The following DLGAP2 variants were observed in gnomAD, a reference collection of about 807,000 sequenced individuals.
DLGAP2 encodes disks large-associated protein 2.
DLGAP2 carries 26 observed loss-of-function variants against 100.3 expected under a neutral mutation model. That is an observed-to-expected ratio of 0.26 (90% CI 0.19 to 0.36). DLGAP2 has a LOEUF of 0.36. Ranked by LOEUF, DLGAP2 falls within the 10% of genes least tolerant of loss-of-function variation. DLGAP2 has a pLI of 1.00. For synonymous variants in DLGAP2, 886 were observed against 630.1 expected (o/e 1.41, Z -6.08); for missense variants, 1,858 against 1,453.2 (o/e 1.28, Z -4.53).
At position 1,207,280 on chromosome 8, in the gene DLGAP2, C is replaced by T. The variant is rs117621805; in HGVS notation, c.74-51571C>T. Among the ~76,000 whole-genome samples, 764 of 152,258 alleles carry T rather than the reference C, an allele frequency of 5.0e-3. 5 individuals are homozygous for T. Among genetic ancestry groups the T allele is most frequent in the African/African-American group, 0.017 (723 of 41,556 alleles). On this transcript the variant is annotated intron_variant, in intron 2 of 14. Transcript: ENST00000637795. ...AAAGTCCATTGTGTCATTCTTACGC[C>T]GTTGCATCCACATAGCTTAGCTCCC...
intron 3 of DLGAP2, among the ~76,000 whole-genome samples, chr8:1,431,827 C>T (rs555184979): frequency 6.6e-6 from 1 of 152,362 alleles, no homozygotes; most frequent in East Asian, 1.9e-4. Context: ...TCTGATGCCT[C>T]CGTGTCGATG....
chr8:1,269,586 T>TTGGTACATCTAACAATAATGTTACC (rs1799538422), intron 3 of DLGAP2, among the ~76,000 whole-genome samples: 1 of 152,180 alleles, frequency 6.6e-6, no homozygotes, highest in South Asian at 2.1e-4. Flanking sequence ...TCCTCTCTGA[T>TTGGTACATCTAACAATAATGTTACC]TGGTACATCT....
At chr8:946,376 G>A (rs958162873) in intron 2 of DLGAP2, among the ~76,000 whole-genome samples, 12 of 150,906 alleles carry the variant, frequency 8.0e-5, no homozygotes, top group African/African-American at 2.7e-4. Flanking sequence ...CCATTCTTCT[G>A]CCTCAGACTC....
At chr8:919,609 G>A (rs1002385620) in intron 2 of DLGAP2, among the ~76,000 whole-genome samples, 3 of 152,194 alleles carry the variant, frequency 2.0e-5, no homozygotes, top group Non-Finnish European at 2.9e-5. Context: ...GAGAGGCTGC[G>A]CCAGTACAGG....
chr8:1,367,448 A>G (rs1056260830), intron 3 of DLGAP2, among the ~76,000 whole-genome samples: 6 of 152,248 alleles, frequency 3.9e-5, no homozygotes, highest in African/African-American at 1.4e-4. Flanking sequence ...GTTGTGGCTC[A>G]GAGCCTCATT....
In DLGAP2 at chr8:932,548, G is replaced by A. The variant is rs186839020; in HGVS notation, c.73+24582G>A. 2.3e-4 allele frequency among the ~76,000 whole-genome samples: 35 copies of A among 152,294 alleles called. 1 individual carries two copies. Among genetic ancestry groups the A allele is most frequent in the African/African-American group, 7.9e-4 (33 of 41,558 alleles). ...AATAAGGTTTGTCAGTGAAGTACTA[G>A]TATTTCAAGATTTTGATCATCATAT... On this transcript the variant is annotated intron_variant, in intron 2 of 14. Coordinates refer to ENST00000637795, the MANE Select transcript of DLGAP2 (RefSeq NM_001346810.2).
At chr8:975,616 G>A (rs1800142347) in intron 2 of DLGAP2, among the ~76,000 whole-genome samples, 2 of 152,240 alleles carry the variant, frequency 1.3e-5, no homozygotes, top group African/African-American at 4.8e-5. Flanking sequence ...ATCATTCACA[G>A]GCTAAGGAAG....
chr8:1,318,917 G>A (rs1800831183), intron 3 of DLGAP2, among the ~76,000 whole-genome samples: 2 of 151,912 alleles, frequency 1.3e-5, no homozygotes, highest in Admixed American at 1.3e-4. Context: ...ATAGATTTTA[G>A]GATTAACTCA....
chr8:1,457,286 C>T (rs560856153), intron 3 of DLGAP2, among the ~76,000 whole-genome samples: 8 of 152,252 alleles, frequency 5.3e-5, no homozygotes, highest in South Asian at 2.1e-4. Flanking sequence ...TCGACGTGTT[C>T]GATGGCTGGC....
At chr8:1,676,693 G>A in intron 11 of DLGAP2, 75 bp downstream of exon 11, 4 of 1,430,750 alleles carry the variant, frequency 2.8e-6, no homozygotes, top group Non-Finnish European at 3.9e-6. Flanking sequence ...GAAGCTCCTA[G>A]ATCCTGCCGG....
Position 1,676,656 on chromosome 8 carries a change from C to T in DLGAP2, c.2288+38C>T, listed in dbSNP as rs770484892. On this transcript the variant is annotated intron_variant, in intron 11 of 14. Coordinates refer to ENST00000637795, the MANE Select transcript of DLGAP2 (RefSeq NM_001346810.2). The stretch of plus-strand genomic sequence containing the variant: ...CTCCTGACACGCGGTGACCCCCGAG[C>T]GAGGGCTCTTTGTCAAAGGCCTGAT... 2.9e-5 allele frequency: 45 copies of T among 1,577,986 alleles called. No homozygotes were observed. The Admixed American group carries it at 6.7e-4, about 24-fold the overall frequency.
At chr8:1,625,096 C>G (rs1170771092) in intron 6 of DLGAP2, among the ~76,000 whole-genome samples, 1 of 151,910 alleles carries the variant, frequency 6.6e-6, no homozygotes, top group Non-Finnish European at 1.5e-5. Context: ...AAAACCACAC[C>G]AAGGGTTTAC....
chr8:1,625,834 T>C (rs1392046689), intron 6 of DLGAP2, among the ~76,000 whole-genome samples: 1 of 152,240 alleles, frequency 6.6e-6, no homozygotes, highest in Non-Finnish European at 1.5e-5. Context: ...TTTGATGAAA[T>C]TCACATTCAT....
chr8:1,104,536 TG>T (rs779875624), intron 2 of DLGAP2, among the ~76,000 whole-genome samples: 9 of 152,210 alleles, frequency 5.9e-5, no homozygotes, highest in Non-Finnish European at 1.3e-4. Context: ...TTGACTTAAT[TG>T]ATCCTGAACA....
Position 1,342,463 on chromosome 8 carries a change from C to T in DLGAP2, c.106+83580C>T, listed in dbSNP as rs560622434. Among the ~76,000 whole-genome samples, 51 of 152,268 alleles carry T rather than the reference C, an allele frequency of 3.3e-4. 1 individual carries two copies. The highest frequency in any genetic ancestry group is 3.4e-3 in the Middle Eastern group (1 of 294). On this transcript the variant is annotated intron_variant, in intron 3 of 14. Transcript: ENST00000637795. Reference sequence around the variant, plus strand: ...TCTGTTGTTATTGAATGGTACCGAGCACAGTTCAGCTAACTTTTTCTGTGA... The same window carrying T: ...TCTGTTGTTATTGAATGGTACCGAGTACAGTTCAGCTAACTTTTTCTGTGA...
At chr8:1,644,923 G>GA (rs542489896) in intron 8 of DLGAP2, among the ~76,000 whole-genome samples, 34 of 152,022 alleles carry the variant, frequency 2.2e-4, no homozygotes, top group African/African-American at 7.5e-4. Context: ...CTCTCTTAGG[G>GA]AAAAAAAACT....
chr8:1,051,796 G>A (rs990883553), intron 2 of DLGAP2, among the ~76,000 whole-genome samples: 1 of 152,108 alleles, frequency 6.6e-6, no homozygotes, highest in South Asian at 2.1e-4. Flanking sequence ...GTCACCTGCT[G>A]AGTCTCCTGC....
intron 2 of DLGAP2, among the ~76,000 whole-genome samples, chr8:987,253 T>TG: frequency 6.6e-6 from 1 of 152,184 alleles, no homozygotes; most frequent in East Asian, 1.9e-4. Flanking sequence ...TGGGCAGAGA[T>TG]GGTCAGTCAC....
chr8:793,285 A>G (rs2132642526), intron 1 of DLGAP2, among the ~76,000 whole-genome samples: 1 of 152,360 alleles, frequency 6.6e-6, no homozygotes, highest in Non-Finnish European at 1.5e-5. Context: ...TCAATTCAAA[A>G]TGATTTTCCT....
Sources: allele counts gnomAD v4.1 joint callset (sites outside exome capture counted in the v4.1 genomes callset), GRCh38; gene constraint gnomAD v4.1.1; transcripts MANE v1.5; gene names NCBI Gene and HGNC (gene_info 2026-07-23, HGNC 2026-07-21).